The following NRXN3 variants were observed in gnomAD, a reference collection of about 807,000 sequenced individuals.
NRXN3 encodes neurexin III.
In NRXN3, 32 loss-of-function variants were observed where a neutral mutation model predicts 137.6. That is an observed-to-expected ratio of 0.23 (90% confidence interval 0.18 to 0.31). The LOEUF is 0.31. Ranked by LOEUF, NRXN3 falls within the 10% of genes least tolerant of loss-of-function variation. The pLI is 1.00. For synonymous variants in NRXN3, 798 were observed against 784.5 expected, an observed-to-expected ratio of 1.02 and a Z score of -0.29; for missense variants, 1,574 against 2,062.5, an observed-to-expected ratio of 0.76 and a Z score of 4.59.
At chr14:78,969,998 A>G (rs2099431167) in intron 14 of NRXN3, among the ~76,000 whole-genome samples, 1 of 152,178 alleles carries the variant, frequency 6.6e-6, no homozygotes, top group Non-Finnish European at 1.5e-5. Flanking sequence ...CAATCCTGGA[A>G]TAGACGTAGC....
At chr14:78,222,971 C>T (rs73308556) in intron 1 of NRXN3, among the ~76,000 whole-genome samples, 4,940 of 152,252 alleles carry the variant, frequency 0.032, 263 homozygotes, top group African/African-American at 0.11. Flanking sequence ...GTTAGTATAT[C>T]CATCTCCACA....
Position 78,239,955 on chromosome 14 carries a change from C to T in NRXN3, c.-703-2436C>T, listed in dbSNP as rs545783828. On this transcript the variant is annotated intron_variant, in intron 1 of 20. Coordinates refer to ENST00000335750, the MANE Select transcript of NRXN3 (RefSeq NM_001330195.2). ...CTGACCTCAGGTGATCCACCCACCT[C>T]GGCCTCCCAAAGTGCTGGGATTACA... Among the ~76,000 whole-genome samples the T allele has an allele frequency of 2.0e-3, 312 of 152,330 alleles. 4 individuals carry two copies. Among genetic ancestry groups the T allele is most frequent in the Admixed American group, 1.1e-3 (17 of 15,294 alleles).
intron 4 of NRXN3, among the ~76,000 whole-genome samples, chr14:78,619,091 G>A (rs530670155): frequency 1.5e-4 from 23 of 152,242 alleles, no homozygotes; most frequent in African/African-American, 4.6e-4. Flanking sequence ...GAGGAGCATC[G>A]TCTAGAAGTC....
intron 15 of NRXN3, among the ~76,000 whole-genome samples, chr14:79,300,376 T>A (rs183472462): frequency 6.6e-6 from 1 of 152,226 alleles, no homozygotes; most frequent in East Asian, 1.9e-4. Context: ...TATTTGCTTG[T>A]GATTCTGTGG....
At chr14:79,257,399 G>A (rs1405315541) in intron 15 of NRXN3, among the ~76,000 whole-genome samples, 1 of 112,858 alleles carries the variant, frequency 8.9e-6, no homozygotes. Flanking sequence ...TGGTGGTGGT[G>A]GTGGTGGTGG....
At chr14:79,230,804 A>G (rs1396795512) in intron 15 of NRXN3, among the ~76,000 whole-genome samples, 2 of 152,106 alleles carry the variant, frequency 1.3e-5, no homozygotes, top group Non-Finnish European at 1.5e-5. Flanking sequence ...GAGTTCTTAA[A>G]GGGGTCATGA....
At chr14:78,734,506 T>G (rs2098532644) in intron 8 of NRXN3, among the ~76,000 whole-genome samples, 1 of 152,156 alleles carries the variant, frequency 6.6e-6, no homozygotes. Context: ...GTGGGCAAAA[T>G]GTGATGCATC....
intron 10 of NRXN3, among the ~76,000 whole-genome samples, chr14:78,891,249 A>C (rs1489316437): frequency 6.6e-6 from 1 of 152,062 alleles, no homozygotes; most frequent in Middle Eastern, 3.4e-3. Context: ...TTCAGTATTT[A>C]TAACAATCAG....
chr14:78,469,664 C>G (rs1341703948), intron 4 of NRXN3, among the ~76,000 whole-genome samples: 1 of 152,114 alleles, frequency 6.6e-6, no homozygotes, highest in Non-Finnish European at 1.5e-5. Context: ...TAGTGCTAAT[C>G]CTGCATCAAG....
At chr14:78,676,844 C>A (rs2098013127) in intron 6 of NRXN3, among the ~76,000 whole-genome samples, 1 of 152,074 alleles carries the variant, frequency 6.6e-6, no homozygotes, top group South Asian at 2.1e-4. Flanking sequence ...TCTGAAAATC[C>A]TAGGGCCCTA....
chr14:79,626,615 A>T (rs1019386177), intron 16 of NRXN3, among the ~76,000 whole-genome samples: 8 of 152,188 alleles, frequency 5.3e-5, no homozygotes, highest in Admixed American at 2.0e-4. Flanking sequence ...GTTGAAGAGA[A>T]TGAAATATGA....
intron 10 of NRXN3, among the ~76,000 whole-genome samples, chr14:78,913,259 TTTCTTTC>T (rs2099244713): frequency 4.8e-5 from 5 of 105,120 alleles, no homozygotes; most frequent in Non-Finnish European, 7.2e-5. Flanking sequence ...TCTTTCTTTC[TTTCTTTC>T]TTTCTTTCTT....
chr14:79,776,724 T>C (rs1213547822), intron 19 of NRXN3, among the ~76,000 whole-genome samples: 2 of 152,112 alleles, frequency 1.3e-5, no homozygotes, highest in Non-Finnish European at 2.9e-5. Context: ...GGCTAGAGGC[T>C]AAAAGGGACA....
At chr14:79,004,665 T>C (rs577681013) in intron 15 of NRXN3, among the ~76,000 whole-genome samples, 2 of 152,320 alleles carry the variant, frequency 1.3e-5, no homozygotes, top group East Asian at 3.9e-4. Context: ...TTTCCTAACA[T>C]GAACAAACTC....
intron 15 of NRXN3, among the ~76,000 whole-genome samples, chr14:79,042,838 C>T: frequency 6.6e-6 from 1 of 151,984 alleles, no homozygotes. Flanking sequence ...GTCCTGCTGT[C>T]CTGGAAAGGG....
chr14:78,420,995 G>A (rs1209720819), intron 4 of NRXN3, among the ~76,000 whole-genome samples: 1 of 152,174 alleles, frequency 6.6e-6, no homozygotes, highest in Non-Finnish European at 1.5e-5. Context: ...ACCCAGCACT[G>A]CCCTCATCGA....
chr14:79,190,878 T>C (rs550102087), intron 15 of NRXN3, among the ~76,000 whole-genome samples: 40 of 152,188 alleles, frequency 2.6e-4, no homozygotes, highest in Non-Finnish European at 5.4e-4. Context: ...AGCAGAATTC[T>C]TCAAGGTCTC....
intron 6 of NRXN3, among the ~76,000 whole-genome samples, chr14:78,695,031 A>G (rs1242033580): frequency 6.6e-6 from 1 of 152,048 alleles, no homozygotes; most frequent in Non-Finnish European, 1.5e-5. Flanking sequence ...AAAGGTGTTA[A>G]CAGGGCTGCA....
intron 4 of NRXN3, among the ~76,000 whole-genome samples, chr14:78,439,693 C>T (rs182623135): frequency 1.3e-5 from 2 of 152,054 alleles, no homozygotes; most frequent in African/African-American, 2.4e-5. Context: ...GTGTGGAAAC[C>T]AAGGCAGAAT....
Sources: gnomAD v4.1 joint callset for allele counts (sites outside exome capture counted in the v4.1 genomes callset) on GRCh38, gnomAD v4.1.1 for gene constraint, MANE v1.5 for transcripts, NCBI Gene and HGNC (gene_info 2026-07-23, HGNC 2026-07-21) for gene names.